The following ADAM10 variants were observed in gnomAD, a reference collection of about 807,000 sequenced individuals.
ADAM10 encodes the protein disintegrin and metalloproteinase domain-containing protein 10.
Under a neutral mutation model 90.1 loss-of-function variants are expected in ADAM10, and 17 were observed. The ratio of observed to expected loss-of-function variants is 0.19; its 90% CI spans 0.13 to 0.28. The LOEUF is 0.28. Ranked by LOEUF, ADAM10 falls within the 10% of genes least tolerant of loss-of-function variation. The pLI is 1.00. For missense variants in ADAM10, 610 were observed against 914.3 expected, an observed-to-expected ratio of 0.67 and a Z score of 4.29; for synonymous variants, 310 against 298.6, an observed-to-expected ratio of 1.04 and a Z score of -0.40.
chr15:58,699,455 A>T (rs1393694680), intron 2 of ADAM10, among the ~76,000 whole-genome samples: 2 of 152,184 alleles, frequency 1.3e-5, no homozygotes, highest in African/African-American at 4.8e-5. Flanking sequence ...TAAGAGAAAA[A>T]GAAAGGAACA....
In ADAM10 at chr15:58,673,180, C is replaced by T. The variant is rs919176; in HGVS notation, c.484+5944G>A. On this transcript the variant is annotated intron_variant, in intron 4 of 15. Coordinates refer to ENST00000260408, the MANE Select transcript of ADAM10 (RefSeq NM_001110.4). ...AAGGACAGACAGACGGACAGACAGC[C>T]CATCCTGGTGGTATTTTCAATAACC... 9.4e-3 allele frequency among the ~76,000 whole-genome samples: 1,435 copies of T among 152,158 alleles called. 21 individuals are homozygous for T. The highest frequency in any genetic ancestry group is 0.033 in the African/African-American group (1,360 of 41,512).
intron 1 of ADAM10, among the ~76,000 whole-genome samples, chr15:58,719,514 A>G (rs1160308001): frequency 6.6e-6 from 1 of 152,096 alleles, no homozygotes; most frequent in Non-Finnish European, 1.5e-5. Context: ...AAAATGGTTC[A>G]TCTATTATCC....
intron 1 of ADAM10, among the ~76,000 whole-genome samples, chr15:58,740,478 C>A (rs575780249): frequency 2.6e-5 from 4 of 152,018 alleles, no homozygotes; most frequent in Non-Finnish European, 5.9e-5. Context: ...ACAGGAATGA[C>A]ATGATTTCAT....
intron 5 of ADAM10, chr15:58,655,432 C>T: frequency 6.6e-6 from 1 of 152,542 alleles, no homozygotes; most frequent in Middle Eastern, 7.6e-4. Flanking sequence ...GGGGAAGATG[C>T]CACACACTTC....
chr15:58,691,676 C>CTTCTTTTTTTTTTTTTTTTTTTTTTTTTT (rs746349800), intron 2 of ADAM10: 3 of 196,352 alleles, frequency 1.5e-5, no homozygotes, highest in African/African-American at 1.4e-4. Flanking sequence ...ACTTCTTCTT[C>CTTCTTTTTTTTTTTTTTTTTTTTTTTTTT]TTTTTTTTTT....
intron 8 of ADAM10, 76 bp from the exon 9 acceptor site, chr15:58,633,435 A>C: frequency 8.2e-7 from 1 of 1,219,064 alleles, no homozygotes; most frequent in Non-Finnish European, 1.2e-6. Flanking sequence ...ATGCTATATT[A>C]AATGAAAACA....
At position 58,743,698 on chromosome 15, in the gene ADAM10, G is replaced by C. The variant is rs186536266; in HGVS notation, c.55+5782C>G. Among the ~76,000 whole-genome samples the C allele has an allele frequency of 8.2e-3, 1,252 of 151,918 alleles. 19 individuals carry two copies. Among genetic ancestry groups the C allele is most frequent in the African/African-American group, 0.029 (1,192 of 41,404 alleles). On this transcript the variant is annotated intron_variant, in intron 1 of 15. Coordinates refer to ENST00000260408, the MANE Select transcript of ADAM10 (RefSeq NM_001110.4). ...CAGCTCACTGCAACCTCCACCTCCC[G>C]GGTTCAAGCGATTCTCCTGCCTCAG...
chr15:58,674,435 T>C (rs1170810110), intron 4 of ADAM10, among the ~76,000 whole-genome samples: 2 of 152,230 alleles, frequency 1.3e-5, no homozygotes, highest in African/African-American at 2.4e-5. Context: ...CTACATAGTT[T>C]GTCACAACTC....
intron 11 of ADAM10, among the ~76,000 whole-genome samples, chr15:58,612,255 C>A (rs1207861360): frequency 6.6e-6 from 1 of 152,184 alleles, no homozygotes; most frequent in Non-Finnish European, 1.5e-5. Flanking sequence ...TCACACCCTG[C>A]AGGGTATGAG....
chr15:58,609,132 C>G (rs1357144103), intron 14 of ADAM10: 3 of 152,276 alleles, frequency 2.0e-5, no homozygotes, highest in African/African-American at 7.2e-5. Context: ...AACATGTGCT[C>G]TTTCCACTGC....
intron 6 of ADAM10, among the ~76,000 whole-genome samples, chr15:58,644,212 C>A (rs1003986096): frequency 9.4e-5 from 14 of 149,442 alleles, no homozygotes; most frequent in Non-Finnish European, 1.8e-4. Flanking sequence ...TACTTCTTTG[C>A]GGTTTTTTTT....
intron 2 of ADAM10, among the ~76,000 whole-genome samples, chr15:58,711,809 A>T (rs1295223872): frequency 6.6e-6 from 1 of 152,242 alleles, no homozygotes; most frequent in Non-Finnish European, 1.5e-5. Flanking sequence ...AAGATAAACT[A>T]TATCATAACA....
chr15:58,729,791 C>T (rs1472593933), intron 1 of ADAM10, among the ~76,000 whole-genome samples: 1 of 151,840 alleles, frequency 6.6e-6, no homozygotes, highest in Non-Finnish European at 1.5e-5. Context: ...GGCGAAACAC[C>T]GTCTCTAGTA....
intron 1 of ADAM10, among the ~76,000 whole-genome samples, chr15:58,739,911 T>C (rs1899551120): frequency 6.6e-6 from 1 of 152,220 alleles, no homozygotes; most frequent in African/African-American, 2.4e-5. Context: ...GTGCATAACA[T>C]GTATCCAGAA....
intron 2 of ADAM10, chr15:58,691,652 G>T: frequency 5.5e-6 from 2 of 366,674 alleles, no homozygotes; most frequent in South Asian, 2.1e-5. Flanking sequence ...GCCCAGAGAA[G>T]CTAAGCTCAA....
chr15:58,676,437 C>T (rs892716492), intron 4 of ADAM10: 1 of 312,920 alleles, frequency 3.2e-6, no homozygotes, highest in Non-Finnish European at 6.3e-6. Context: ...GCTACTACTA[C>T]TACTTCTAGA....
intron 5 of ADAM10, among the ~76,000 whole-genome samples, chr15:58,657,084 GTTAT>G (rs1251968716): frequency 1.3e-5 from 2 of 152,078 alleles, no homozygotes; most frequent in African/African-American, 4.8e-5. Flanking sequence ...TCCATTGTAG[GTTAT>G]TTGTTTCTTT....
intron 2 of ADAM10, among the ~76,000 whole-genome samples, chr15:58,703,570 CATG>C (rs1231077719): frequency 1.2e-4 from 18 of 152,124 alleles, no homozygotes; most frequent in African/African-American, 2.9e-4. Context: ...CTGAAAACAT[CATG>C]ATAAGTTAAA....
chr15:58,692,399 T>C (rs1370569402), intron 2 of ADAM10: 1 of 575,332 alleles, frequency 1.7e-6, no homozygotes, highest in Non-Finnish European at 3.5e-6. Context: ...TTGATCTTCT[T>C]TGTTTTCTTC....
Sources: allele counts gnomAD v4.1 joint callset (sites outside exome capture counted in the v4.1 genomes callset), GRCh38; gene constraint gnomAD v4.1.1; transcripts MANE v1.5; gene names NCBI Gene and HGNC (gene_info 2026-07-23, HGNC 2026-07-21).